P2RY8: variants seen among roughly 807,000 people sequenced by gnomAD.
P2RY8 encodes the protein P2Y receptor family member 8.
Under a neutral mutation model 10.0 loss-of-function variants are expected in P2RY8, and 6 were observed. That is an observed-to-expected ratio of 0.60 (90% CI 0.33 to 1.19). The LOEUF (loss-of-function observed/expected upper bound fraction) is 1.19, where lower values mean the gene tolerates loss of function less well. Ranked by LOEUF, P2RY8 falls within the 50% of genes most tolerant of loss-of-function variation. The pLI, the probability that P2RY8 is intolerant of heterozygous loss-of-function variation, is 0.04. For synonymous variants in P2RY8, 276 were observed against 252.5 expected, an observed-to-expected ratio of 1.09 and a Z score of -0.88; for missense variants, 456 against 542.0, an observed-to-expected ratio of 0.84 and a Z score of 1.58.
intron 1 of P2RY8, among the ~76,000 whole-genome samples, chrX:1,509,796 C>CCATTCTATCTATCTATCTAT (rs1435428661): frequency 2.2e-4 from 23 of 105,112 alleles, no homozygotes; most frequent in African/African-American, 7.8e-4. Context: ...ATGTATCCAT[C>CCATTCTATCTATCTATCTAT]CTATCTATCT....
intron 1 of P2RY8, among the ~76,000 whole-genome samples, chrX:1,521,800 G>A (rs1156751775): frequency 7.9e-5 from 12 of 152,024 alleles, no homozygotes; most frequent in Admixed American, 6.6e-4. Context: ...CTTTGCTTCC[G>A]GTGAGCGTGA....
chrX:1,521,680 G>T (rs6644728), intron 1 of P2RY8, among the ~76,000 whole-genome samples: 114,475 of 151,882 alleles, frequency 0.75, 43,485 homozygotes, highest in East Asian at 0.97. Flanking sequence ...AAACGGCAAA[G>T]GAAGGTGTGT....
chrX:1,523,854 T>C (rs1305213180), intron 1 of P2RY8, among the ~76,000 whole-genome samples: 72 of 152,176 alleles, frequency 4.7e-4, no homozygotes, highest in South Asian at 1.7e-3. Context: ...CGGCTAATTT[T>C]GTATTTTTAG....
At chrX:1,511,900 G>A (rs1482184147) in intron 1 of P2RY8, among the ~76,000 whole-genome samples, 7 of 152,042 alleles carry the variant, frequency 4.6e-5, no homozygotes, top group Admixed American at 1.3e-4. Context: ...CACATCACTC[G>A]CTGACAACAC....
At chrX:1,532,421 A>G (rs5989808) in intron 1 of P2RY8, among the ~76,000 whole-genome samples, 2,601 of 70,060 alleles carry the variant, frequency 0.037, 185 homozygotes, top group Non-Finnish European at 0.062. Context: ...TATGATGTGT[A>G]TATATACACA....
chrX:1,475,480 G>A (rs1390772513), intron 1 of P2RY8, among the ~76,000 whole-genome samples: 3 of 151,932 alleles, frequency 2.0e-5, no homozygotes, highest in Non-Finnish European at 2.9e-5. Flanking sequence ...TCCAGGATGG[G>A]GAGAGAATGC....
chrX:1,509,811 A>ATGTATCCATCCAT (rs2092284545), intron 1 of P2RY8, among the ~76,000 whole-genome samples: 4 of 89,078 alleles, frequency 4.5e-5, no homozygotes, highest in African/African-American at 1.1e-4. Flanking sequence ...CTATCTATCT[A>ATGTATCCATCCAT]TCTATCTATC....
chrX:1,501,632 T>C (rs2092180890), intron 1 of P2RY8, among the ~76,000 whole-genome samples: 1 of 152,052 alleles, frequency 6.6e-6, no homozygotes, highest in Admixed American at 6.6e-5. Flanking sequence ...TTCACTCTGT[T>C]GCCCAGGCTG....
At chrX:1,473,841 T>C (rs1363863892) in intron 1 of P2RY8, among the ~76,000 whole-genome samples, 4 of 150,246 alleles carry the variant, frequency 2.7e-5, no homozygotes, top group Non-Finnish European at 5.9e-5. Flanking sequence ...GATGGGTGGA[T>C]GGATGGATCA....
At chrX:1,486,634 TAGAC>T (rs1213332797) in intron 1 of P2RY8, among the ~76,000 whole-genome samples, 33 of 152,156 alleles carry the variant, frequency 2.2e-4, no homozygotes, top group Non-Finnish European at 3.7e-4. Context: ...GTGGTGGAAA[TAGAC>T]AGAGGCGGCT....
chrX:1,535,218 C>A (rs761565806), intron 1 of P2RY8, among the ~76,000 whole-genome samples: 1 of 107,132 alleles, frequency 9.3e-6, no homozygotes, highest in Non-Finnish European at 1.7e-5. Context: ...GACAGAGTCT[C>A]ACTCTGTCAC....
At chrX:1,485,911 G>C (rs1386424778) in intron 1 of P2RY8, among the ~76,000 whole-genome samples, 1 of 151,714 alleles carries the variant, frequency 6.6e-6, no homozygotes, top group Non-Finnish European at 1.5e-5. Context: ...GTAAGTGAAG[G>C]TAGCATTAGA....
chrX:1,498,732 G>A (rs1240061518), intron 1 of P2RY8, among the ~76,000 whole-genome samples: 13 of 151,930 alleles, frequency 8.6e-5, no homozygotes, highest in Admixed American at 2.0e-4. Context: ...TGCACAGGCT[G>A]AACTCCTGAT....
At position 1,464,056 on chromosome X, in the gene P2RY8, G is replaced by A. The variant is rs375250390; in HGVS notation, c.*1423C>T. ...AGAGAGGCACCAATAGAGGGCCTCC[G>A]AACAGCAGCTTCAGCCTCCATCAGC... On this transcript the variant is annotated 3_prime_UTR_variant, in exon 2 of 2. Transcript: ENST00000381297. The A allele has an allele frequency of 1.6e-4, 38 of 233,296 alleles. No individual in the cohort carries two copies. The highest frequency in any genetic ancestry group is 1.2e-3 in the East Asian group (20 of 16,594). The allele number at this position is 233,296 out of a possible 1,614,324, so 14.5% of individuals were successfully genotyped here.
At chrX:1,471,308 CAT>C (rs1491498295) in intron 1 of P2RY8, among the ~76,000 whole-genome samples, 1,660 of 71,012 alleles carry the variant, frequency 0.023, 105 homozygotes, top group African/African-American at 0.073. Context: ...GCGCCCAGCC[CAT>C]TTTTTTTTTT....
intron 1 of P2RY8, among the ~76,000 whole-genome samples, chrX:1,507,571 G>A (rs1448409793): frequency 6.6e-6 from 1 of 152,170 alleles, no homozygotes; most frequent in African/African-American, 2.4e-5. Flanking sequence ...CGACATACCT[G>A]TTGTGTGGAT....
intron 1 of P2RY8, among the ~76,000 whole-genome samples, chrX:1,503,120 G>A (rs1195697428): frequency 6.0e-5 from 9 of 151,008 alleles, no homozygotes; most frequent in African/African-American, 2.2e-4. Context: ...CAGACACAGA[G>A]GAGAAGGCCA....
At chrX:1,490,798 A>G (rs2092038788) in intron 1 of P2RY8, among the ~76,000 whole-genome samples, 1 of 149,878 alleles carries the variant, frequency 6.7e-6, no homozygotes, top group South Asian at 2.1e-4. Context: ...GAATGAATGA[A>G]TGATACCCAG....
At chrX:1,502,125 G>C (rs1392246330) in intron 1 of P2RY8, among the ~76,000 whole-genome samples, 1 of 150,394 alleles carries the variant, frequency 6.6e-6, no homozygotes, top group Non-Finnish European at 1.5e-5. Flanking sequence ...TGGCCAGGCT[G>C]GTCTTGAACT....
Sources: gnomAD v4.1 joint callset for allele counts (sites outside exome capture counted in the v4.1 genomes callset) on GRCh38, gnomAD v4.1.1 for gene constraint, MANE v1.5 for transcripts, NCBI Gene and HGNC (gene_info 2026-07-23, HGNC 2026-07-21) for gene names.